CNTN4: variants seen among roughly 807,000 people sequenced by gnomAD.
CNTN4 encodes the protein contactin 4.
CNTN4 carries 77 observed loss-of-function variants against 122.5 expected under a neutral mutation model. The observed-to-expected ratio is 0.63, with a 90% confidence interval of 0.52 to 0.76. CNTN4 has a LOEUF of 0.76. Among genes scored for constraint, CNTN4 ranks in the 30% least tolerant of loss-of-function variants. The pLI is 0.00. For synonymous variants in CNTN4, 512 were observed against 447.0 expected, an observed-to-expected ratio of 1.15 and a Z score of -1.83; for missense variants, 1,256 against 1,259.1, an observed-to-expected ratio of 1.00 and a Z score of 0.04.
chr3:2,898,733 CCTCA>C (rs1196399556), intron 10 of CNTN4, among the ~76,000 whole-genome samples: 3 of 151,938 alleles, frequency 2.0e-5, no homozygotes, highest in African/African-American at 7.2e-5. Context: ...CCATTTTTTT[CCTCA>C]CTCTCTTTCA....
intron 6 of CNTN4, among the ~76,000 whole-genome samples, chr3:2,792,630 G>T (rs961792766): frequency 6.6e-6 from 1 of 152,178 alleles, no homozygotes; most frequent in African/African-American, 2.4e-5. Context: ...CCTTCAGAAA[G>T]AATCAGCTAC....
intron 6 of CNTN4, among the ~76,000 whole-genome samples, chr3:2,756,381 A>G (rs911472314): frequency 6.6e-6 from 1 of 152,124 alleles, no homozygotes; most frequent in Admixed American, 6.5e-5. Flanking sequence ...CTGCCATGTG[A>G]GTGAGAAGGT....
chr3:2,283,399 A>C (rs1032429349), intron 2 of CNTN4, among the ~76,000 whole-genome samples: 4 of 152,036 alleles, frequency 2.6e-5, no homozygotes, highest in African/African-American at 9.7e-5. Flanking sequence ...CCACAAATGC[A>C]CTCCATCTCC....
intron 14 of CNTN4, among the ~76,000 whole-genome samples, chr3:2,989,652 A>G (rs1045234186): frequency 6.6e-6 from 1 of 152,214 alleles, no homozygotes; most frequent in African/African-American, 2.4e-5. Context: ...ATATATGTTT[A>G]GATTGATTAC....
chr3:2,853,379 A>AGGCT (rs1410112562), intron 7 of CNTN4, among the ~76,000 whole-genome samples: 5 of 151,876 alleles, frequency 3.3e-5, no homozygotes, highest in Non-Finnish European at 5.9e-5. Flanking sequence ...CAAGTAGCTG[A>AGGCT]GGCTACAGGT....
At chr3:2,820,319 T>C (rs1239534493) in intron 7 of CNTN4, among the ~76,000 whole-genome samples, 2 of 152,198 alleles carry the variant, frequency 1.3e-5, no homozygotes, top group African/African-American at 4.8e-5. Context: ...AAAGATATTA[T>C]AAAGGATACG....
At chr3:2,478,886 A>G (rs1031759405) in intron 3 of CNTN4, among the ~76,000 whole-genome samples, 2 of 152,182 alleles carry the variant, frequency 1.3e-5, no homozygotes, top group African/African-American at 2.4e-5. Context: ...TAGTGCTGCA[A>G]TGAACATATT....
intron 2 of CNTN4, among the ~76,000 whole-genome samples, chr3:2,274,666 A>T (rs945635266): frequency 6.6e-6 from 1 of 152,172 alleles, no homozygotes; most frequent in African/African-American, 2.4e-5. Flanking sequence ...GCCTTTAAGA[A>T]AGGTTTCAAA....
At position 2,448,045 on chromosome 3, in the gene CNTN4, C is replaced by G. The variant is rs1354235; in HGVS notation, c.-89+108812C>G. The stretch of plus-strand genomic sequence containing the variant: ...GATATACTTCTCCTACAGTAATTAA[C>G]TGAGAGAAAATTTTGTGTGAAAATA... On this transcript the variant is annotated intron_variant, in intron 3 of 24. Coordinates refer to ENST00000418658, the MANE Select transcript of CNTN4 (RefSeq NM_175607.3). Among the ~76,000 whole-genome samples the G allele has an allele frequency of 5.9e-3, 890 of 152,072 alleles. 10 individuals carry two copies. Among genetic ancestry groups the G allele is most frequent in the African/African-American group, 0.021 (861 of 41,468 alleles).
chr3:2,213,031 A>G (rs2038687825), intron 2 of CNTN4, among the ~76,000 whole-genome samples: 1 of 152,180 alleles, frequency 6.6e-6, no homozygotes, highest in Non-Finnish European at 1.5e-5. Flanking sequence ...CCTCCTAAGT[A>G]TCTTCTCAGA....
At chr3:2,925,880 C>T in intron 13 of CNTN4, 101 bp downstream of exon 13, 2 of 993,542 alleles carry the variant, frequency 2.0e-6, no homozygotes, top group South Asian at 2.7e-5. Flanking sequence ...ATCTGCTGTT[C>T]CTGAACTAAG....
At chr3:2,738,207 T>G (rs554182719) in intron 5 of CNTN4, among the ~76,000 whole-genome samples, 1 of 152,234 alleles carries the variant, frequency 6.6e-6, no homozygotes, top group South Asian at 2.1e-4. Flanking sequence ...AATAGTGAAA[T>G]GGTAGAACAC....
At chr3:2,197,597 T>C (rs2037906331) in intron 2 of CNTN4, among the ~76,000 whole-genome samples, 1 of 152,180 alleles carries the variant, frequency 6.6e-6, no homozygotes. Context: ...TCATCAATGG[T>C]CAGATCTGGA....
intron 6 of CNTN4, among the ~76,000 whole-genome samples, chr3:2,760,723 T>A (rs1363435449): frequency 6.6e-6 from 1 of 152,216 alleles, no homozygotes; most frequent in African/African-American, 2.4e-5. Context: ...CCTTTGGATA[T>A]GTAATATAAA....
At chr3:2,634,687 A>AAAATAT in intron 4 of CNTN4, among the ~76,000 whole-genome samples, 1 of 133,154 alleles carries the variant, frequency 7.5e-6, no homozygotes, top group Non-Finnish European at 1.6e-5. Context: ...AAAAAAAAAA[A>AAAATAT]ATATATATAT....
At chr3:2,379,863 T>C (rs1365007263) in intron 3 of CNTN4, among the ~76,000 whole-genome samples, 1 of 152,006 alleles carries the variant, frequency 6.6e-6, no homozygotes, top group African/African-American at 2.4e-5. Context: ...GAGACCAACC[T>C]GACAAACATG....
At chr3:2,212,077 A>G (rs1386391524) in intron 2 of CNTN4, among the ~76,000 whole-genome samples, 2 of 152,082 alleles carry the variant, frequency 1.3e-5, no homozygotes, top group Non-Finnish European at 2.9e-5. Flanking sequence ...GGGCTCAAGC[A>G]ATCCTTCTAC....
chr3:3,011,533 A>G (rs1194365473), intron 14 of CNTN4, among the ~76,000 whole-genome samples: 1 of 152,220 alleles, frequency 6.6e-6, no homozygotes, highest in Non-Finnish European at 1.5e-5. Context: ...GCAAATGAGC[A>G]AGAAGGCACC....
chr3:2,388,182 A>G (rs1241571984), intron 3 of CNTN4, among the ~76,000 whole-genome samples: 5 of 152,242 alleles, frequency 3.3e-5, no homozygotes, highest in Non-Finnish European at 7.3e-5. Flanking sequence ...GCCAGTACAA[A>G]CTATTTCTGA....
Sources: allele counts gnomAD v4.1 joint callset (sites outside exome capture counted in the v4.1 genomes callset), GRCh38; gene constraint gnomAD v4.1.1; transcripts MANE v1.5; gene names NCBI Gene and HGNC (gene_info 2026-07-23, HGNC 2026-07-21).